The following OLA1 variants were observed in gnomAD, a reference collection of about 807,000 sequenced individuals.
OLA1 encodes obg-like ATPase 1.
OLA1 carries 14 observed loss-of-function variants against 48.4 expected under a neutral mutation model. That is an observed-to-expected ratio of 0.29 (90% confidence interval 0.19 to 0.45). The LOEUF is 0.45. Among genes scored for constraint, OLA1 ranks in the 20% least tolerant of loss-of-function variants. OLA1 has a pLI of 1.00. For synonymous variants in OLA1, 127 were observed against 150.4 expected, an observed-to-expected ratio of 0.84 and a Z score of 1.14; for missense variants, 325 against 467.1, an observed-to-expected ratio of 0.70 and a Z score of 2.80.
At chr2:174,216,131 CA>C (rs113610183) in intron 4 of OLA1, among the ~76,000 whole-genome samples, 7 of 150,200 alleles carry the variant, frequency 4.7e-5, no homozygotes, top group East Asian at 1.9e-4. Context: ...CCTGTATCTA[CA>C]AAAAAAAACA....
At chr2:174,172,985 TC>T (rs1300981019) in intron 4 of OLA1, among the ~76,000 whole-genome samples, 1 of 152,054 alleles carries the variant, frequency 6.6e-6, no homozygotes, top group South Asian at 2.1e-4. Context: ...ATATGCCGCC[TC>T]CCCCTTTGCC....
Position 174,223,035 on chromosome 2 carries a change from G to T in OLA1, c.371C>A (p.Thr124Lys), listed in dbSNP as rs746374313. 1 of 1,611,738 alleles carries T rather than the reference G, an allele frequency of 6.2e-7. No individual in the cohort carries two copies. The highest frequency in any genetic ancestry group is 2.2e-5 in the East Asian group (1 of 44,838). The change falls in exon 4 of 11, where the codon ACA becomes AAA. Residue 124 changes from threonine to lysine, a missense_variant and splice_region_variant. Physicochemically the swap from Thr to Lys is moderately conservative, Grantham distance 78. Transcript: ENST00000284719. ...ATTAAATAAACAACTGTACTTACGTGTTAGATGAAAGATGCCATCACAGGC... is the reference window on the plus strand; with the variant it reads ...ATTAAATAAACAACTGTACTTACGTTTTAGATGAAAGATGCCATCACAGGC... ...ISACDGIFHL[T>K]RAFEDDDITH...
chr2:174,226,018 C>A (rs1474783395), intron 3 of OLA1, among the ~76,000 whole-genome samples: 1 of 104,000 alleles, frequency 9.6e-6, no homozygotes, highest in Non-Finnish European at 2.0e-5. Context: ...AACGGTGAAA[C>A]CCCGTCTCTA....
chr2:174,221,280 G>C (rs1688496598), intron 4 of OLA1, among the ~76,000 whole-genome samples: 1 of 151,890 alleles, frequency 6.6e-6, no homozygotes, highest in African/African-American at 2.4e-5. Flanking sequence ...CCCCCACAAG[G>C]GTTAGAAAAT....
intron 4 of OLA1, among the ~76,000 whole-genome samples, chr2:174,219,443 T>TC: frequency 7.7e-6 from 1 of 129,130 alleles, no homozygotes; most frequent in East Asian, 2.0e-4. Flanking sequence ...TTTTTTTTTT[T>TC]TTTTTGCGAT....
chr2:174,141,595 C>T (rs1336619064), intron 5 of OLA1, among the ~76,000 whole-genome samples: 1 of 152,176 alleles, frequency 6.6e-6, no homozygotes, highest in African/African-American at 2.4e-5. Flanking sequence ...ATCATGTAAA[C>T]ACTCACTATT....
intron 3 of OLA1, among the ~76,000 whole-genome samples, chr2:174,225,027 A>G (rs560939120): frequency 2.0e-5 from 3 of 152,298 alleles, no homozygotes; most frequent in South Asian, 4.1e-4. Context: ...TTATGTTGAA[A>G]TGTGATGCGT....
intron 9 of OLA1, among the ~76,000 whole-genome samples, chr2:174,080,150 A>G (rs1684826800): frequency 6.6e-6 from 1 of 152,036 alleles, no homozygotes; most frequent in Non-Finnish European, 1.5e-5. Flanking sequence ...ATTTTTTTAC[A>G]AAGGGGAGAG....
intron 4 of OLA1, among the ~76,000 whole-genome samples, chr2:174,158,795 T>C (rs1250486232): frequency 1.3e-5 from 2 of 152,170 alleles, no homozygotes; most frequent in Non-Finnish European, 2.9e-5. Context: ...CTCCACCTAT[T>C]TACCCCTCCA....
At chr2:174,183,494 T>C (rs1460344132) in intron 4 of OLA1, among the ~76,000 whole-genome samples, 1 of 152,224 alleles carries the variant, frequency 6.6e-6, no homozygotes, top group Non-Finnish European at 1.5e-5. Flanking sequence ...TTAGCATTAG[T>C]GGCCTTTATC....
At chr2:174,222,758 T>C (rs1688535892) in intron 4 of OLA1, among the ~76,000 whole-genome samples, 1 of 152,200 alleles carries the variant, frequency 6.6e-6, no homozygotes, top group Admixed American at 6.5e-5. Context: ...CAAAGTTCCA[T>C]ATAGAAACAC....
At chr2:174,244,788 C>G (rs1689091729) in intron 2 of OLA1, among the ~76,000 whole-genome samples, 1 of 151,950 alleles carries the variant, frequency 6.6e-6, no homozygotes, top group Non-Finnish European at 1.5e-5. Flanking sequence ...CCATGTCCGG[C>G]TAATTTTTGT....
intron 1 of OLA1, 67 bp from the exon 2 acceptor site, chr2:174,246,882 A>C: frequency 3.6e-6 from 3 of 834,768 alleles, no homozygotes; most frequent in Non-Finnish European, 6.0e-6. Context: ...AACACATTTC[A>C]TCACATACAA....
At chr2:174,157,040 CAA>C (rs1686903513) in intron 4 of OLA1, among the ~76,000 whole-genome samples, 1 of 146,214 alleles carries the variant, frequency 6.8e-6, no homozygotes, top group South Asian at 2.1e-4. Context: ...TGAAAGAAAA[CAA>C]AGTAGAATTT....
chr2:174,247,732 G>C lies in OLA1; in HGVS notation c.-1+720C>G, dbSNP rs756762461. On this transcript the variant is annotated intron_variant, in intron 1 of 10. Transcript: ENST00000284719. ...TTGGCACTGAAGGTACGGCTCATCA[G>C]TCCTCATAAGCAACCTCCAAAATCT... The C allele has an allele frequency of 2.1e-5, 32 of 1,551,084 alleles. No homozygotes were observed. In the East Asian group the frequency reaches 7.6e-4, roughly 37 times the overall value.
At chr2:174,241,135 A>G (rs553667831) in intron 2 of OLA1, among the ~76,000 whole-genome samples, 10 of 152,342 alleles carry the variant, frequency 6.6e-5, no homozygotes, top group African/African-American at 2.4e-4. Flanking sequence ...GAGGCCAAGT[A>G]TAAGAGAAGT....
intron 4 of OLA1, among the ~76,000 whole-genome samples, chr2:174,207,985 G>A (rs1449665241): frequency 6.6e-6 from 1 of 152,114 alleles, no homozygotes; most frequent in Non-Finnish European, 1.5e-5. Flanking sequence ...CCTACATATA[G>A]CGAGGGATGA....
chr2:174,158,305 A>T (rs1470531113), intron 4 of OLA1, among the ~76,000 whole-genome samples: 1 of 151,984 alleles, frequency 6.6e-6, no homozygotes, highest in African/African-American at 2.4e-5. Context: ...TCACCTAGAA[A>T]TACAGTGATC....
At chr2:174,139,190 G>A (rs1339223149) in intron 5 of OLA1, among the ~76,000 whole-genome samples, 1 of 152,206 alleles carries the variant, frequency 6.6e-6, no homozygotes, top group Non-Finnish European at 1.5e-5. Flanking sequence ...GGGCCTTTAA[G>A]CCAATATTAC....
Sources: allele counts gnomAD v4.1 joint callset (sites outside exome capture counted in the v4.1 genomes callset), GRCh38; gene constraint gnomAD v4.1.1; transcripts MANE v1.5; gene names NCBI Gene and HGNC (gene_info 2026-07-23, HGNC 2026-07-21).